The following NSUN4 variants were observed in gnomAD, a reference collection of about 807,000 sequenced individuals.
NSUN4 encodes the protein NOP2/Sun RNA methyltransferase 4.
NSUN4 carries 31 observed loss-of-function variants against 43.8 expected under a neutral mutation model. That is an observed-to-expected ratio of 0.71 (90% CI 0.53 to 0.96). The LOEUF (loss-of-function observed/expected upper bound fraction) is 0.96, where lower values mean the gene tolerates loss of function less well. Among genes scored for constraint, NSUN4 ranks in the 40% least tolerant of loss-of-function variants. The probability of loss-of-function intolerance (pLI) is 0.00; values close to 1 mark genes in which losing one functional copy is unlikely to be tolerated. For missense variants in NSUN4, 439 were observed against 475.6 expected (o/e 0.92, Z 0.72); for synonymous variants, 167 against 184.1 (o/e 0.91, Z 0.75).
chr1:46,376,942 G>A, the NSUN4 span, among the ~76,000 whole-genome samples: 10 of 152,112 alleles, frequency 6.6e-5, no homozygotes, highest in Admixed American at 6.5e-5. Context: ...ATTTTTAGTA[G>A]AGAAGGGGTT....
the NSUN4 span, among the ~76,000 whole-genome samples, chr1:46,385,199 A>G: frequency 6.6e-6 from 1 of 152,178 alleles, no homozygotes; most frequent in Non-Finnish European, 1.5e-5. Context: ...TTGTAGACAT[A>G]TTTATCTAAT....
rs558120357 is a variant in NSUN4 at position 46,349,432 on chromosome 1, G to A, written c.592+2357G>A. ...TGGGATTACAGGCGTGAGCCACCGCGCCTGGCGCCTTGTGCACTGTTAAGT... is the reference window on the plus strand; with the variant it reads ...TGGGATTACAGGCGTGAGCCACCGCACCTGGCGCCTTGTGCACTGTTAAGT... On this transcript the variant is annotated intron_variant, in intron 3 of 5. Transcript: ENST00000474844. Among the ~76,000 whole-genome samples, 231 of 152,262 alleles carry A rather than the reference G, an allele frequency of 1.5e-3. 1 individual carries two copies. Among genetic ancestry groups the A allele is most frequent in the African/African-American group, 5.0e-3 (206 of 41,552 alleles).
chr1:46,341,088 A>C (rs958173190), intron 1 of NSUN4, 169 bp downstream of exon 1: 16 of 1,183,068 alleles, frequency 1.4e-5, no homozygotes, highest in Non-Finnish European at 1.6e-5. Flanking sequence ...TCCGCACTCT[A>C]TGTCCCGAGC....
rs372417494 is a variant in NSUN4, at chr1:46,358,181, C to T, written c.754-2523C>T. On this transcript the variant is annotated intron_variant, in intron 4 of 5. Transcript: ENST00000474844. ...CGCAATCTTGGTTCACTGCAACCTCCGCCTCCTGGGTTCAAGCGATTCTCC... is the reference window on the plus strand; with the variant it reads ...CGCAATCTTGGTTCACTGCAACCTCTGCCTCCTGGGTTCAAGCGATTCTCC... Among the ~76,000 whole-genome samples the T allele has an allele frequency of 1.3e-3, 190 of 151,800 alleles. 1 individual carries two copies. Among genetic ancestry groups the T allele is most frequent in the African/African-American group, 4.2e-3 (173 of 41,394 alleles).
chr1:46,348,763 T>C (rs1400111536), intron 3 of NSUN4, among the ~76,000 whole-genome samples: 2 of 131,228 alleles, frequency 1.5e-5, no homozygotes, highest in African/African-American at 5.6e-5. Context: ...TAGGCCCACA[T>C]CTTATTTGTC....
the NSUN4 span, among the ~76,000 whole-genome samples, chr1:46,374,284 C>G: frequency 1.9e-5 from 2 of 103,376 alleles, no homozygotes; most frequent in African/African-American, 8.5e-5. Context: ...AAATCTCTGT[C>G]TCACCAAAAA....
chr1:46,355,181 A>G (rs1185339385), intron 4 of NSUN4, among the ~76,000 whole-genome samples: 1 of 152,208 alleles, frequency 6.6e-6, no homozygotes, highest in African/African-American at 2.4e-5. Flanking sequence ...TATCCAGGGA[A>G]AGCACTTAGT....
chr1:46,358,637 T>C (rs922320031), intron 4 of NSUN4, among the ~76,000 whole-genome samples: 4 of 151,906 alleles, frequency 2.6e-5, no homozygotes, highest in African/African-American at 9.7e-5. Context: ...CTTGACCTTG[T>C]GATCTGCCTG....
At chr1:46,383,438 GT>G in the NSUN4 span, among the ~76,000 whole-genome samples, 1 of 145,362 alleles carries the variant, frequency 6.9e-6, no homozygotes, top group Non-Finnish European at 1.5e-5. Flanking sequence ...TCCTGATCTT[GT>G]TGGCTGGTGT....
the NSUN4 span, among the ~76,000 whole-genome samples, chr1:46,377,371 G>A: frequency 6.6e-6 from 1 of 152,116 alleles, no homozygotes; most frequent in African/African-American, 2.4e-5. Context: ...AATAATAATA[G>A]ACTTACCTTA....
chr1:46,348,632 C>G (rs1008572534), intron 3 of NSUN4, among the ~76,000 whole-genome samples: 4 of 145,622 alleles, frequency 2.7e-5, no homozygotes, highest in Admixed American at 2.2e-4. Context: ...TCGCTTGAAC[C>G]TGGGAGATGG....
chr1:46,341,265 C>A (rs1311633212), intron 1 of NSUN4: 11 of 1,033,572 alleles, frequency 1.1e-5, no homozygotes, highest in South Asian at 3.5e-5. Flanking sequence ...CTCCCCTCCC[C>A]CTTTCCCTTG....
intron 5 of NSUN4, among the ~76,000 whole-genome samples, 177 bp downstream of exon 5, chr1:46,361,005 G>T (rs1010760945): frequency 6.6e-6 from 1 of 152,088 alleles, no homozygotes. Context: ...GAATTAGCTG[G>T]GTGTGGAGAT....
the NSUN4 span, chr1:46,370,554 T>A: frequency 6.6e-6 from 1 of 151,886 alleles, no homozygotes; most frequent in East Asian, 1.9e-4. Context: ...CTTTTTTTTT[T>A]TTTTTTTTTC....
At chr1:46,346,583 G>T (rs536460144) in intron 2 of NSUN4, among the ~76,000 whole-genome samples, 10 of 151,124 alleles carry the variant, frequency 6.6e-5, no homozygotes, top group Non-Finnish European at 1.2e-4. Context: ...AATTAGCCAG[G>T]CATGGTGGCG....
chr1:46,344,990 G>A lies in NSUN4; in HGVS notation c.283G>A (p.Ala95Thr). The A allele has an allele frequency of 6.2e-7, 1 of 1,614,214 alleles. No individual in the cohort carries two copies. Among genetic ancestry groups the A allele is most frequent in the South Asian group, 1.1e-5 (1 of 91,086 alleles). The change falls in exon 2 of 6, where the codon GCC becomes ACC. Residue 95 changes from alanine (A) to threonine (T), a missense_variant. Physicochemically the swap from Ala to Thr is moderately conservative, Grantham distance 58 (BLOSUM62 0). Coordinates refer to ENST00000474844, the MANE Select transcript of NSUN4 (RefSeq NM_199044.4). ...HVSAKLEQLS[A>T]KDFVNEAISH... ...AAGTGCTAAGCTGGAGCAGCTGAGT[G>A]CCAAGGATTTTGTGAATGAAGCCAT...
chr1:46,347,716 G>A (rs1662615420), intron 3 of NSUN4, among the ~76,000 whole-genome samples: 1 of 152,052 alleles, frequency 6.6e-6, no homozygotes, highest in African/African-American at 2.4e-5. Context: ...TCTGCCTGCA[G>A]CCACCATTTA....
chr1:46,379,770 T>A, the NSUN4 span, among the ~76,000 whole-genome samples: 2 of 152,168 alleles, frequency 1.3e-5, no homozygotes, highest in Admixed American at 6.5e-5. Flanking sequence ...GGCTTGCTCA[T>A]TGCTTTATAG....
At chr1:46,341,799 C>G (rs1451569608) in intron 1 of NSUN4, 7 of 1,232,476 alleles carry the variant, frequency 5.7e-6, no homozygotes, top group Non-Finnish European at 7.1e-6. Context: ...GTCACCCCCT[C>G]TCTGTCAGCG....
Sources: allele counts gnomAD v4.1 joint callset (sites outside exome capture counted in the v4.1 genomes callset), GRCh38; gene constraint gnomAD v4.1.1; transcripts MANE v1.5; gene names NCBI Gene and HGNC (gene_info 2026-07-23, HGNC 2026-07-21).